The following ZNF527 variants were observed in gnomAD, a reference collection of about 807,000 sequenced individuals.
The protein encoded by ZNF527 is zinc finger protein 527.
A neutral mutation model predicts 13.5 loss-of-function variants in ZNF527; 5 were observed. The observed-to-expected ratio is 0.37, with a 90% CI of 0.19 to 0.78. The LOEUF is 0.78. ZNF527 is among the 30% of genes least tolerant of loss of function. ZNF527 has a pLI of 0.48. For missense variants in ZNF527, 628 were observed against 726.4 expected (o/e 0.86, Z 1.56); for synonymous variants, 209 against 243.1 (o/e 0.86, Z 1.30).
intron 4 of ZNF527, among the ~76,000 whole-genome samples, chr19:37,384,275 G>A (rs112967537): frequency 0.03 from 4,624 of 152,194 alleles, 215 homozygotes; most frequent in African/African-American, 0.097. Context: ...CTGGGATCGC[G>A]CCACGGCACT....
At chr19:37,382,813 T>C (rs1286361190) in intron 4 of ZNF527, among the ~76,000 whole-genome samples, 1 of 152,132 alleles carries the variant, frequency 6.6e-6, no homozygotes, top group Non-Finnish European at 1.5e-5. Flanking sequence ...TTCAAGTGAT[T>C]CTCCTGCCTC....
chr19:37,372,467 CTTTTTTT>C (rs1022024971), intron 1 of ZNF527, among the ~76,000 whole-genome samples: 26 of 65,646 alleles, frequency 4.0e-4, no homozygotes, highest in Middle Eastern at 0.014. Flanking sequence ...CTTTTCTTTT[CTTTTTTT>C]TTTTTTTTTT....
At chr19:37,384,294 G>A (rs113445832) in intron 4 of ZNF527, among the ~76,000 whole-genome samples, 4,619 of 152,120 alleles carry the variant, frequency 0.03, 214 homozygotes, top group African/African-American at 0.097. Flanking sequence ...CTTCAGCTTG[G>A]GCGACAGAGC....
intron 4 of ZNF527, among the ~76,000 whole-genome samples, chr19:37,384,310 T>A (rs2040679862): frequency 6.6e-6 from 1 of 151,958 alleles, no homozygotes; most frequent in Non-Finnish European, 1.5e-5. Context: ...AGAGCAAGAC[T>A]CCATCTCGGA....
chr19:37,375,314 T>C (rs189366312), intron 2 of ZNF527, among the ~76,000 whole-genome samples: 3,841 of 96,696 alleles, frequency 0.04, 68 homozygotes, highest in Admixed American at 0.07. Context: ...TTCTTTCTTT[T>C]CTTTCTTTCT....
At chr19:37,377,875 G>C (rs990509026) in intron 2 of ZNF527, among the ~76,000 whole-genome samples, 10 of 152,062 alleles carry the variant, frequency 6.6e-5, no homozygotes, top group African/African-American at 1.7e-4. Context: ...ATGGGACAAC[G>C]GAGTTTATTG....
intron 1 of ZNF527, 27 bp from the exon 2 acceptor site, chr19:37,374,131 A>G: frequency 1.3e-6 from 2 of 1,508,126 alleles, no homozygotes. Context: ...GCACATCATC[A>G]TTTCTTCATT....
At position 37,377,367 on chromosome 19, in the gene ZNF527, GGAGGATGAGGAAGTTAAAAGT is replaced by G. The variant is rs1248667558; in HGVS notation, c.34-1749_34-1729del. ...AGAAGGGTAAGTACATATGGTGGCT[GGAGGATGAGGAAGTTAAAAGT>G]GAGATCGGGATGAGTTGATGGTGGT... On this transcript the variant is annotated intron_variant, in intron 2 of 4. Coordinates refer to ENST00000436120, the MANE Select transcript of ZNF527 (RefSeq NM_032453.2). Among the ~76,000 whole-genome samples, 11 of 152,250 alleles carry G rather than the reference GGAGGATGAGGAAGTTAAAAGT, an allele frequency of 7.2e-5. No homozygotes were observed. In the East Asian group the frequency reaches 2.1e-3, roughly 29 times the overall value.
At chr19:37,378,034 CT>C (rs111409931) in intron 2 of ZNF527, among the ~76,000 whole-genome samples, 175 of 143,664 alleles carry the variant, frequency 1.2e-3, no homozygotes, top group Non-Finnish European at 1.2e-3. Context: ...TATTTCTTTT[CT>C]TTTTTTTTTT....
Position 37,389,618 on chromosome 19 carries a change from G to A in ZNF527, c.1569G>A (p.Glu523=). ...LIHHKRSHAG[E]KPYECNKCGK... is the part of the protein sequence containing the mutation. The stretch of plus-strand genomic sequence containing the variant: ...ACCATAAGAGAAGTCATGCAGGAGA[G>A]AAACCCTATGAATGTAACAAATGTG... Residue 523 remains glutamate (E), a synonymous_variant, in exon 5 of 5, where the codon GAG becomes GAA. Transcript: ENST00000436120. The A allele has an allele frequency of 6.2e-7, 1 of 1,614,136 alleles. No homozygotes were observed. Among genetic ancestry groups the A allele is most frequent in the Non-Finnish European group, 8.5e-7 (1 of 1,180,036 alleles).
In ZNF527 at chr19:37,379,237, G is replaced by A; in HGVS notation, c.151G>A (p.Val51Ile). The A allele has an allele frequency of 6.3e-7, 1 of 1,596,982 alleles. No individual in the cohort carries two copies. Residue 51 changes from valine (V) to isoleucine (I), a missense_variant, in exon 3 of 5, where the codon GTA becomes ATA. Val to Ile is a conservative substitution (Grantham distance 29, BLOSUM62 3). Around this residue, in one of 3 missense-constraint regions of ZNF527, gnomAD observed 592 missense variants for 678.0 expected, o/e 0.87. Transcript: ENST00000436120. ...CATGTTGGAGAACTACAGGAACTTG[G>A]TATGGCTTGGTAAGGATGTTTCTCC... ...DVMLENYRNL[V>I]WLGLSISKPN... is the part of the protein sequence containing the mutation.
In ZNF527 at chr19:37,389,705, A is replaced by C. The variant is rs1306541647; in HGVS notation, c.1656A>C (p.Lys552Asn). The change falls in exon 5 of 5, where the codon AAA (lysine) becomes AAC (asparagine). Residue 552 changes from lysine to asparagine, a missense_variant. Physicochemically the swap from Lys to Asn is moderately conservative, Grantham distance 94. Around this residue, in one of 3 missense-constraint regions of ZNF527, gnomAD observed 592 missense variants for 678.0 expected, o/e 0.87. Coordinates refer to ENST00000436120, the MANE Select transcript of ZNF527 (RefSeq NM_032453.2). ...ATCAAAGAATTCATACTGGAGAGAA[A>C]CCCTATGAATGTAGTGAATGTGGGA... ...NQHQRIHTGE[K>N]PYECSECGKA... 1 of 1,614,052 alleles carries C rather than the reference A, an allele frequency of 6.2e-7. No homozygotes were observed. Among genetic ancestry groups the C allele is most frequent in the African/African-American group, 1.3e-5 (1 of 75,032 alleles).
chr19:37,385,634 TC>T (rs1438299476), intron 4 of ZNF527: 6 of 305,836 alleles, frequency 2.0e-5, no homozygotes, highest in Non-Finnish European at 3.5e-5. Flanking sequence ...CTTATGGAAT[TC>T]TGGTTGAAAC....
At chr19:37,387,297 G>A (rs2040708135) in intron 4 of ZNF527, among the ~76,000 whole-genome samples, 1 of 152,086 alleles carries the variant, frequency 6.6e-6, no homozygotes, top group Admixed American at 6.6e-5. Flanking sequence ...TGAACACCAA[G>A]CTCATATTCT....
Position 37,389,877 on chromosome 19 carries a change from T to C in ZNF527, c.1828T>C (p.Ter610ArgextTer2), listed in dbSNP as rs950967371. ...GAGAATTCATAATAGAGAAACGCTC[T>C]GATTATAACAAGTATAGGAAAGAAA... ...HQRIHNRETL* is the reference protein window; with the variant it reads ...HQRIHNRETLR The change falls in exon 5 of 5, where the codon TGA (stop) becomes CGA (arginine). Residue 610 changes from the stop codon to arginine (R), a stop_lost. Transcript: ENST00000436120. 1 of 1,578,622 alleles carries C rather than the reference T, an allele frequency of 6.3e-7. No individual in the cohort carries two copies. The highest frequency in any genetic ancestry group is 8.6e-7 in the Non-Finnish European group (1 of 1,167,166).
chr19:37,392,655 G>T lies in ZNF527; in HGVS notation c.*2776G>T, dbSNP rs1321649382. The T allele has an allele frequency of 6.6e-6, 1 of 152,190 alleles. No homozygotes were observed. Among genetic ancestry groups the T allele is most frequent in the African/African-American group, 2.4e-5 (1 of 41,434 alleles). 9.4% of individuals were successfully genotyped at this position (152,190 alleles called of 1,614,324 possible). A position where few individuals can be genotyped will look rare whatever the true frequency, so the allele number is the denominator to read the frequency against. ...TTTGCCCATCTCGGCTTCCCAAAGT[G>T]CTGAGATTATAGGGATGAGTCACTG... On this transcript the variant is annotated 3_prime_UTR_variant, in exon 5 of 5. Coordinates refer to ENST00000436120, the MANE Select transcript of ZNF527 (RefSeq NM_032453.2).
chr19:37,389,954 T>C lies in ZNF527; in HGVS notation c.*75T>C, dbSNP rs2040738811. The C allele has an allele frequency of 6.7e-7, 1 of 1,486,680 alleles. No homozygotes were observed. The allele number at this position is 1,486,680 out of a possible 1,614,324, so 92.1% of individuals were successfully genotyped here. A position where few individuals can be genotyped will look rare whatever the true frequency, so the allele number is the denominator to read the frequency against. On this transcript the variant is annotated 3_prime_UTR_variant, in exon 5 of 5. Coordinates refer to ENST00000436120, the MANE Select transcript of ZNF527 (RefSeq NM_032453.2). ...TAAATATTAGTGAGTTCTTTTTGGT[T>C]AGTAATTCTTTGAATGTAGTTCATA...
intron 2 of ZNF527, among the ~76,000 whole-genome samples, chr19:37,375,367 CTT>C (rs747311868): frequency 7.4e-5 from 6 of 81,384 alleles, no homozygotes; most frequent in Admixed American, 5.2e-4. Context: ...CTTTTCTTTT[CTT>C]TTTTTTTTTT....
At chr19:37,381,537 G>A (rs186646015) in intron 4 of ZNF527, among the ~76,000 whole-genome samples, 3 of 152,236 alleles carry the variant, frequency 2.0e-5, no homozygotes, top group East Asian at 1.9e-4. Context: ...GTATAATATC[G>A]ATATGTCTTA....
Sources: allele counts gnomAD v4.1 joint callset (sites outside exome capture counted in the v4.1 genomes callset), GRCh38; gene constraint gnomAD v4.1.1; regional missense constraint gnomAD v4.1.1; transcripts MANE v1.5; gene names NCBI Gene and HGNC (gene_info 2026-07-23, HGNC 2026-07-21).